Variants in PRR5L observed in about 807,000 individuals in gnomAD.
The protein encoded by PRR5L is proline rich 5 like.
A neutral mutation model predicts 36.4 loss-of-function variants in PRR5L; 21 were observed. The observed-to-expected ratio is 0.58, with a 90% confidence interval of 0.41 to 0.83. PRR5L has a LOEUF of 0.83. Among genes scored for constraint, PRR5L ranks in the 40% least tolerant of loss-of-function variants. The probability of loss-of-function intolerance (pLI) is 0.00; values close to 1 mark genes in which losing one functional copy is unlikely to be tolerated. For missense variants in PRR5L, 381 were observed against 473.3 expected (o/e 0.80, Z 1.81); for synonymous variants, 188 against 197.0 (o/e 0.95, Z 0.38).
chr11:36,361,089 T>C (rs1229894461), intron 1 of PRR5L, among the ~76,000 whole-genome samples: 1 of 152,246 alleles, frequency 6.6e-6, no homozygotes, highest in Non-Finnish European at 1.5e-5. Context: ...TCTTAGTTGC[T>C]TGAGATCCTT....
At chr11:36,415,880 G>A (rs929535589) in intron 3 of PRR5L, among the ~76,000 whole-genome samples, 1 of 152,260 alleles carries the variant, frequency 6.6e-6, no homozygotes, top group Non-Finnish European at 1.5e-5. Context: ...GACTTGAACA[G>A]CAAGTTATAA....
intron 8 of PRR5L, among the ~76,000 whole-genome samples, chr11:36,453,118 T>C (rs1357735670): frequency 1.3e-5 from 2 of 152,236 alleles, no homozygotes; most frequent in South Asian, 2.1e-4. Flanking sequence ...TCTGTTGGCA[T>C]TGCTGGCTGA....
chr11:36,357,915 A>G (rs1857045407), intron 1 of PRR5L, among the ~76,000 whole-genome samples: 1 of 152,254 alleles, frequency 6.6e-6, no homozygotes, highest in Non-Finnish European at 1.5e-5. Flanking sequence ...GCTGTCATAG[A>G]TAGTGTCTCC....
chr11:36,366,205 T>C (rs1277376614), intron 1 of PRR5L, among the ~76,000 whole-genome samples: 1 of 152,202 alleles, frequency 6.6e-6, no homozygotes, highest in Non-Finnish European at 1.5e-5. Context: ...CTGTTTCTTT[T>C]AATCTCAACT....
intron 6 of PRR5L, among the ~76,000 whole-genome samples, chr11:36,440,099 A>C (rs959290844): frequency 6.6e-6 from 1 of 152,212 alleles, no homozygotes; most frequent in Admixed American, 6.5e-5. Context: ...TTTATGTGGC[A>C]GGTTGGTATA....
chr11:36,408,658 A>G (rs539423222), intron 3 of PRR5L, among the ~76,000 whole-genome samples: 1 of 152,254 alleles, frequency 6.6e-6, no homozygotes. Flanking sequence ...CAGCGAGGAA[A>G]AGTCTGGGTT....
intron 3 of PRR5L, among the ~76,000 whole-genome samples, chr11:36,405,339 T>C (rs924896091): frequency 6.6e-6 from 1 of 152,258 alleles, no homozygotes; most frequent in African/African-American, 2.4e-5. Context: ...ATTTTCTGAC[T>C]TTTAAATGTT....
chr11:36,437,212 T>C (rs970368336), intron 5 of PRR5L, among the ~76,000 whole-genome samples, 173 bp from the exon 6 acceptor site: 1 of 152,220 alleles, frequency 6.6e-6, no homozygotes, highest in African/African-American at 2.4e-5. Context: ...AGCCTGGAAT[T>C]AAGATCCTGT....
chr11:36,346,331 C>T (rs1426612800), intron 1 of PRR5L, among the ~76,000 whole-genome samples: 1 of 152,094 alleles, frequency 6.6e-6, no homozygotes, highest in African/African-American at 2.4e-5. Flanking sequence ...TGCCTGTAAT[C>T]CCAGCCCTTT....
intron 1 of PRR5L, chr11:36,381,687 T>G (rs1032777127): frequency 4.6e-5 from 7 of 152,156 alleles, no homozygotes; most frequent in African/African-American, 1.4e-4. Flanking sequence ...TTTGGAGAAC[T>G]GTTTCATCAT....
chr11:36,367,097 GTCATTTTTTATT>G (rs1159208182), intron 1 of PRR5L, among the ~76,000 whole-genome samples: 1 of 152,082 alleles, frequency 6.6e-6, no homozygotes, highest in African/African-American at 2.4e-5. Context: ...GGGTGTAAAT[GTCATTTTTTATT>G]TTTAAGATTA....
intron 6 of PRR5L, 75 bp downstream of exon 6, chr11:36,437,551 C>A: frequency 2.3e-6 from 2 of 878,630 alleles, no homozygotes; most frequent in Non-Finnish European, 3.6e-6. Flanking sequence ...GGCCTGAGGG[C>A]TCCTGGTAAA....
intron 3 of PRR5L, among the ~76,000 whole-genome samples, chr11:36,408,651 C>A (rs943493440): frequency 2.0e-5 from 3 of 152,074 alleles, no homozygotes; most frequent in Non-Finnish European, 4.4e-5. Context: ...ATTTTGGCAG[C>A]GAGGAAAAGT....
At chr11:36,406,295 G>T (rs1857911076) in intron 3 of PRR5L, among the ~76,000 whole-genome samples, 1 of 152,050 alleles carries the variant, frequency 6.6e-6, no homozygotes, top group Non-Finnish European at 1.5e-5. Flanking sequence ...ACATATGGTT[G>T]AGGTTTGAAA....
chr11:36,338,987 G>A (rs533180488), intron 1 of PRR5L, among the ~76,000 whole-genome samples: 2 of 152,236 alleles, frequency 1.3e-5, no homozygotes, highest in African/African-American at 4.8e-5. Context: ...GTTTGTCAGG[G>A]GTTTCCACTT....
intron 1 of PRR5L, chr11:36,321,078 A>C (rs1590438986): frequency 6.6e-6 from 1 of 152,340 alleles, no homozygotes; most frequent in East Asian, 1.9e-4. Context: ...TGTAAAGTTA[A>C]AAAAGTAACA....
At chr11:36,345,097 G>A (rs961833601) in intron 1 of PRR5L, among the ~76,000 whole-genome samples, 1 of 152,146 alleles carries the variant, frequency 6.6e-6, no homozygotes, top group Non-Finnish European at 1.5e-5. Flanking sequence ...GTCAGGGTGA[G>A]AGCAGCGGCA....
chr11:36,330,189 G>C (rs534432175), intron 1 of PRR5L, among the ~76,000 whole-genome samples: 8 of 152,202 alleles, frequency 5.3e-5, no homozygotes, highest in African/African-American at 1.9e-4. Flanking sequence ...TTTCATTTTT[G>C]TTTACAGACA....
chr11:36,378,729 C>T (rs902528558), intron 1 of PRR5L, among the ~76,000 whole-genome samples: 6 of 152,156 alleles, frequency 3.9e-5, no homozygotes, highest in Non-Finnish European at 7.3e-5. Context: ...GCAAATGCCT[C>T]TTGAGGTCTT....
Sources: allele counts gnomAD v4.1 joint callset (sites outside exome capture counted in the v4.1 genomes callset), GRCh38; gene constraint gnomAD v4.1.1; transcripts MANE v1.5; gene names NCBI Gene and HGNC (gene_info 2026-07-23, HGNC 2026-07-21).